The following COL24A1 variants were observed in gnomAD, a reference collection of about 807,000 sequenced individuals.
COL24A1 encodes collagen type XXIV alpha 1 chain.
COL24A1 carries 224 observed loss-of-function variants against 253.9 expected under a neutral mutation model. That is an observed-to-expected ratio of 0.88 (90% confidence interval 0.79 to 0.99). The LOEUF (loss-of-function observed/expected upper bound fraction) is 0.99. Ranked by LOEUF, COL24A1 falls within the 50% of genes least tolerant of loss-of-function variation. The pLI, the probability that COL24A1 is intolerant of heterozygous loss-of-function variation, is 0.00. For synonymous variants in COL24A1, 685 were observed against 673.7 expected (o/e 1.02, Z -0.26); for missense variants, 2,131 against 2,068.5 (o/e 1.03, Z -0.59).
Position 85,842,061 on chromosome 1 carries a change from C to T in COL24A1, c.3570+7G>A, listed in dbSNP as rs1257863651. Reference sequence around the variant, plus strand: ...TTTAAGATTAAAAAGCCAATATATACACAAACCTTTTCTCCTTTAGGTCCT... The same window carrying T: ...TTTAAGATTAAAAAGCCAATATATATACAAACCTTTTCTCCTTTAGGTCCT... On this transcript the variant is annotated splice_region_variant and intron_variant, in intron 41 of 59. Transcript: ENST00000370571. The T allele has an allele frequency of 7.4e-6, 12 of 1,612,636 alleles. No homozygotes were observed. The highest frequency in any genetic ancestry group is 1.0e-5 in the Non-Finnish European group (12 of 1,178,872).
chr1:86,139,538 T>C (rs1343462131), intron 2 of COL24A1, among the ~76,000 whole-genome samples: 1 of 152,198 alleles, frequency 6.6e-6, no homozygotes, highest in Non-Finnish European at 1.5e-5. Context: ...TAGTAATTGG[T>C]AGTTTAAAAT....
intron 24 of COL24A1, among the ~76,000 whole-genome samples, chr1:85,925,653 A>T (rs1372991190): frequency 1.3e-5 from 2 of 152,194 alleles, no homozygotes; most frequent in Non-Finnish European, 2.9e-5. Flanking sequence ...CCTTCCTTAC[A>T]CCTTATACAA....
At chr1:85,999,483 T>C (rs1053563680) in intron 19 of COL24A1, among the ~76,000 whole-genome samples, 6 of 151,602 alleles carry the variant, frequency 4.0e-5, no homozygotes, top group African/African-American at 1.5e-4. Flanking sequence ...CTTAGCTGAG[T>C]GTGGTAGTGC....
intron 22 of COL24A1, 29 bp from the exon 23 acceptor site, chr1:85,965,091 G>A: frequency 1.9e-6 from 3 of 1,556,968 alleles, no homozygotes; most frequent in Non-Finnish European, 2.6e-6. Flanking sequence ...AAAGAAGAAA[G>A]TATATATGTT....
chr1:86,147,806 G>C (rs1652120594), intron 1 of COL24A1, among the ~76,000 whole-genome samples: 1 of 152,154 alleles, frequency 6.6e-6, no homozygotes, highest in African/African-American at 2.4e-5. Context: ...TTTTACTTTT[G>C]CTTAAATCAC....
chr1:85,874,842 C>CAA, intron 34 of COL24A1, 140 bp from the exon 35 acceptor site: 6 of 745,938 alleles, frequency 8.0e-6, no homozygotes, highest in East Asian at 2.7e-5. Context: ...AAATGGGCTG[C>CAA]AAAACAGCAG....
At chr1:86,041,674 T>C (rs1699498583) in intron 12 of COL24A1, among the ~76,000 whole-genome samples, 1 of 152,114 alleles carries the variant, frequency 6.6e-6, no homozygotes, top group Admixed American at 6.6e-5. Context: ...TTAAACAGGA[T>C]TCTTCTTTTC....
chr1:85,988,774 T>C (rs1171744631), intron 19 of COL24A1, among the ~76,000 whole-genome samples: 1 of 151,944 alleles, frequency 6.6e-6, no homozygotes, highest in Non-Finnish European at 1.5e-5. Flanking sequence ...GAAAAACAAA[T>C]AATAAGAAAA....
At chr1:86,152,825 A>G (rs546511952) in intron 1 of COL24A1, among the ~76,000 whole-genome samples, 1 of 152,354 alleles carries the variant, frequency 6.6e-6, no homozygotes, top group African/African-American at 2.4e-5. Flanking sequence ...CTAATGAATC[A>G]GATAATCTTC....
intron 25 of COL24A1, 75 bp downstream of exon 25, chr1:85,911,305 G>T: frequency 8.9e-7 from 1 of 1,117,886 alleles, no homozygotes; most frequent in Non-Finnish European, 1.3e-6. Flanking sequence ...TAACATAAAA[G>T]ATCATATGAA....
intron 53 of COL24A1, among the ~76,000 whole-genome samples, chr1:85,771,319 T>C (rs1192962288): frequency 5.3e-5 from 8 of 152,122 alleles, no homozygotes; most frequent in Non-Finnish European, 1.0e-4. Flanking sequence ...TTCTCATTTT[T>C]CAACTCCCAA....
At chr1:85,833,874 C>A (rs1469104777) in intron 43 of COL24A1, among the ~76,000 whole-genome samples, 1 of 148,654 alleles carries the variant, frequency 6.7e-6, no homozygotes, top group Non-Finnish European at 1.5e-5. Flanking sequence ...GGACAAAAAA[C>A]CAAACACTGC....
In COL24A1 at chr1:85,790,137, C is replaced by T. The variant is rs1464222268; in HGVS notation, c.3952-3676G>A. ...TTCAGAAGAAATGGTACCAGCCCCT[C>T]TTGGTATACCTCTGGTAGAATTCAG... On this transcript the variant is annotated intron_variant, in intron 47 of 59. Coordinates refer to ENST00000370571, the MANE Select transcript of COL24A1 (RefSeq NM_152890.7). 2.0e-5 allele frequency among the ~76,000 whole-genome samples: 3 copies of T among 152,154 alleles called. No individual in the cohort carries two copies. In the South Asian group the frequency reaches 6.2e-4, roughly 32 times the overall value.
chr1:86,094,667 C>T (rs1703770150), intron 5 of COL24A1, among the ~76,000 whole-genome samples: 1 of 151,748 alleles, frequency 6.6e-6, no homozygotes, highest in African/African-American at 2.4e-5. Context: ...CCAGGTTGAC[C>T]TCTTTTTCAT....
At chr1:86,022,352 C>T in intron 17 of COL24A1, 59 bp from the exon 18 acceptor site, 2 of 1,504,884 alleles carry the variant, frequency 1.3e-6, no homozygotes, top group East Asian at 2.3e-5. Context: ...AGACATACCA[C>T]TATTTACAAA....
chr1:86,018,231 C>T (rs571454326), intron 18 of COL24A1, among the ~76,000 whole-genome samples: 1 of 152,258 alleles, frequency 6.6e-6, no homozygotes, highest in Admixed American at 6.5e-5. Context: ...TTTTCCAAAA[C>T]CTAAAGCACA....
intron 24 of COL24A1, among the ~76,000 whole-genome samples, chr1:85,913,204 C>G (rs1263303921): frequency 6.6e-6 from 1 of 152,162 alleles, no homozygotes; most frequent in African/African-American, 2.4e-5. Context: ...ATGGAATTCA[C>G]TGGTCTCACT....
At chr1:86,132,795 A>T (rs2102322572) in intron 2 of COL24A1, among the ~76,000 whole-genome samples, 1 of 152,248 alleles carries the variant, frequency 6.6e-6, no homozygotes, top group South Asian at 2.1e-4. Flanking sequence ...GAAGTCAGGT[A>T]GTGTGATGCC....
At chr1:85,854,294 C>T (rs565160314) in intron 37 of COL24A1, among the ~76,000 whole-genome samples, 211 of 152,142 alleles carry the variant, frequency 1.4e-3, no homozygotes, top group Admixed American at 2.8e-3. Context: ...CTTTATTTCT[C>T]GGTTCTCTAA....
Sources: allele counts gnomAD v4.1 joint callset (sites outside exome capture counted in the v4.1 genomes callset), GRCh38; gene constraint gnomAD v4.1.1; transcripts MANE v1.5; gene names NCBI Gene and HGNC (gene_info 2026-07-23, HGNC 2026-07-21).